ROBO2: variants seen among roughly 807,000 people sequenced by gnomAD.
ROBO2 encodes roundabout homolog 2.
In ROBO2, 53 loss-of-function variants were observed where a neutral mutation model predicts 160.8. The ratio of observed to expected loss-of-function variants is 0.33; its 90% CI spans 0.26 to 0.41. The LOEUF is 0.41. Among genes scored for constraint, ROBO2 ranks in the 10% least tolerant of loss-of-function variants. The probability of loss-of-function intolerance (pLI) is 1.00; values close to 1 mark genes in which losing one functional copy is unlikely to be tolerated. For synonymous variants in ROBO2, 664 were observed against 611.7 expected, an observed-to-expected ratio of 1.09 and a Z score of -1.26; for missense variants, 1,577 against 1,722.4, an observed-to-expected ratio of 0.92 and a Z score of 1.49.
intron 2 of ROBO2, among the ~76,000 whole-genome samples, chr3:76,721,602 A>G (rs1214233143): frequency 6.6e-6 from 1 of 152,186 alleles, no homozygotes; most frequent in Non-Finnish European, 1.5e-5. Flanking sequence ...TCAAAGCTCG[A>G]TTCTGGATCA....
At chr3:76,278,874 T>G (rs566880002) in intron 2 of ROBO2, among the ~76,000 whole-genome samples, 1 of 151,994 alleles carries the variant, frequency 6.6e-6, no homozygotes, top group South Asian at 2.1e-4. Flanking sequence ...ATTGAGCTGC[T>G]ACCCTTATAA....
chr3:76,528,743 C>T (rs553196429), intron 2 of ROBO2, among the ~76,000 whole-genome samples: 1 of 151,798 alleles, frequency 6.6e-6, no homozygotes, highest in Admixed American at 6.6e-5. Context: ...GATGTGATCA[C>T]CAGGGGAAGG....
At chr3:76,119,513 A>G (rs911255084) in intron 2 of ROBO2, among the ~76,000 whole-genome samples, 1 of 152,052 alleles carries the variant, frequency 6.6e-6, no homozygotes, top group Non-Finnish European at 1.5e-5. Flanking sequence ...TAATGGTTTT[A>G]TATAATTATT....
chr3:77,629,967 T>C (rs1242805971), intron 23 of ROBO2: 1 of 152,280 alleles, frequency 6.6e-6, no homozygotes, highest in African/African-American at 2.4e-5. Flanking sequence ...TAGACCATAA[T>C]ATATAGAGAG....
At chr3:76,919,573 C>T (rs1361242259) in intron 2 of ROBO2, among the ~76,000 whole-genome samples, 1 of 152,146 alleles carries the variant, frequency 6.6e-6, no homozygotes, top group Admixed American at 6.5e-5. Context: ...ATCATGACTT[C>T]ATGATCGGTA....
At chr3:77,338,207 T>G (rs2066686502) in intron 2 of ROBO2, among the ~76,000 whole-genome samples, 1 of 152,162 alleles carries the variant, frequency 6.6e-6, no homozygotes, top group Non-Finnish European at 1.5e-5. Context: ...AGAAAAAAAT[T>G]TGTTTGGAGA....
At chr3:77,378,044 C>T (rs1030979399) in intron 2 of ROBO2, among the ~76,000 whole-genome samples, 1 of 152,130 alleles carries the variant, frequency 6.6e-6, no homozygotes, top group African/African-American at 2.4e-5. Flanking sequence ...CTGTTGAATT[C>T]TTTAAATGGT....
At chr3:77,317,884 C>A (rs1225481044) in intron 2 of ROBO2, among the ~76,000 whole-genome samples, 1 of 25,448 alleles carries the variant, frequency 3.9e-5, no homozygotes, top group Non-Finnish European at 7.1e-5. Context: ...TGGGGGGCTG[C>A]TGGGGGGCTG....
intron 5 of ROBO2, among the ~76,000 whole-genome samples, chr3:77,494,195 T>A (rs1324061852): frequency 6.6e-6 from 1 of 152,226 alleles, no homozygotes; most frequent in Non-Finnish European, 1.5e-5. Flanking sequence ...TAGTTCTACC[T>A]GCTGATATTA....
intron 14 of ROBO2, among the ~76,000 whole-genome samples, chr3:77,575,570 CA>C (rs1172833048): frequency 9.9e-5 from 15 of 151,940 alleles, no homozygotes; most frequent in African/African-American, 3.6e-4. Flanking sequence ...CACAACATGG[CA>C]AAAATGTCAT....
intron 2 of ROBO2, among the ~76,000 whole-genome samples, chr3:76,476,177 A>G (rs1305036250): frequency 6.6e-6 from 1 of 152,114 alleles, no homozygotes; most frequent in Non-Finnish European, 1.5e-5. Context: ...ACCCAAAGAA[A>G]CAAAACTTTG....
At chr3:76,989,924 A>G (rs2060577780) in intron 2 of ROBO2, among the ~76,000 whole-genome samples, 1 of 152,114 alleles carries the variant, frequency 6.6e-6, no homozygotes, top group Non-Finnish European at 1.5e-5. Context: ...TAAAAGGTTG[A>G]TTATTCACTT....
chr3:77,581,212 G>A (rs1406676550), intron 16 of ROBO2, among the ~76,000 whole-genome samples: 3 of 151,978 alleles, frequency 2.0e-5, no homozygotes, highest in Non-Finnish European at 4.4e-5. Context: ...GTACATTCTG[G>A]ATACAAATTC....
At chr3:76,497,855 C>A (rs906091700) in intron 2 of ROBO2, among the ~76,000 whole-genome samples, 1 of 152,068 alleles carries the variant, frequency 6.6e-6, no homozygotes, top group African/African-American at 2.4e-5. Context: ...CCAGCATTCC[C>A]AGCATTTCCA....
Position 77,237,411 on chromosome 3 carries a change from T to TTGTGTGTGTGTGTGTGTGTG in ROBO2, c.388+139086_388+139105dup, listed in dbSNP as rs71104662. ...TTTCCTGTTTTTGTTTTGTTTTGTT[T>TTGTGTGTGTGTGTGTGTGTG]TGTGTGTGTGTGTGTGTGTGTGTGT... On this transcript the variant is annotated intron_variant, in intron 2 of 25. Coordinates refer to ENST00000461745, the Ensembl canonical transcript of ROBO2. 5.4e-3 allele frequency among the ~76,000 whole-genome samples: 706 copies of TTGTGTGTGTGTGTGTGTGTG among 131,100 alleles called. 17 individuals are homozygous for TTGTGTGTGTGTGTGTGTGTG. The highest frequency in any genetic ancestry group is 8.4e-3 in the Non-Finnish European group (523 of 62,054). The allele number at this position is 131,100 out of a possible 152,430, so 86.0% of individuals were successfully genotyped here.
chr3:77,000,043 G>C (rs1182029238), intron 2 of ROBO2, among the ~76,000 whole-genome samples: 1 of 151,968 alleles, frequency 6.6e-6, no homozygotes, highest in Non-Finnish European at 1.5e-5. Context: ...GAGTTATTTT[G>C]TTCCTCCTTT....
rs191637445 is a variant in ROBO2, at chr3:76,778,253, T to C, written c.110-319761T>C. On this transcript the variant is annotated intron_variant, in intron 2 of 26. Coordinates refer to the ROBO2 transcript ENST00000487694. Reference sequence around the variant, plus strand: ...TTCACATAAATGTGGTAGTCATTAATGCTATTTGCTGAGTACTCCCTATTC... The same window carrying C: ...TTCACATAAATGTGGTAGTCATTAACGCTATTTGCTGAGTACTCCCTATTC... Among the ~76,000 whole-genome samples the C allele has an allele frequency of 2.2e-4, 34 of 151,264 alleles. 1 individual carries two copies. Among genetic ancestry groups the C allele is most frequent in the Admixed American group, 2.1e-3 (32 of 15,148 alleles).
intron 2 of ROBO2, among the ~76,000 whole-genome samples, chr3:75,961,249 G>A (rs866159747): frequency 6.6e-6 from 1 of 151,512 alleles, no homozygotes; most frequent in Non-Finnish European, 1.5e-5. Context: ...ATTAGTAGTA[G>A]TAATTCAAGC....
chr3:75,974,848 G>A (rs1283705894), intron 2 of ROBO2, among the ~76,000 whole-genome samples: 2 of 151,328 alleles, frequency 1.3e-5, no homozygotes, highest in Non-Finnish European at 1.5e-5. Flanking sequence ...ATATTTATTC[G>A]ATGGCAATAG....
Sources: allele counts gnomAD v4.1 joint callset (sites outside exome capture counted in the v4.1 genomes callset), GRCh38; gene constraint gnomAD v4.1.1; transcripts MANE v1.5; gene names NCBI Gene and HGNC (gene_info 2026-07-23, HGNC 2026-07-21).